Variants in KRT6C observed in about 807,000 individuals in gnomAD.
The protein encoded by KRT6C is keratin 6C.
A neutral mutation model predicts 49.4 loss-of-function variants in KRT6C; 46 were observed. The observed-to-expected ratio is 0.93, with a 90% CI of 0.74 to 1.19. The LOEUF (loss-of-function observed/expected upper bound fraction) is 1.19, where lower values mean the gene tolerates loss of function less well. Among genes scored for constraint, KRT6C ranks in the 50% most tolerant of loss-of-function variants. The pLI is 0.00. For missense variants in KRT6C, 552 were observed against 737.5 expected (o/e 0.75, Z 2.91); for synonymous variants, 236 against 297.1 (o/e 0.79, Z 2.12).
chr12:52,470,559 C>G lies in KRT6C; in HGVS notation c.1149G>C (p.Glu383Asp). 6.2e-7 allele frequency: 1 copy of G among 1,614,106 alleles called. No individual in the cohort carries two copies. The highest frequency in any genetic ancestry group is 2.2e-5 in the East Asian group (1 of 44,878). ...TCAGCCTCTGGATCATGCGGTTGAT[C>G]TCAGCAATCTCCTGCTTGGTGTTGC... Reference protein sequence around the residue: ...DLRNTKQEIAEINRMIQRLRS... With the variant: ...DLRNTKQEIADINRMIQRLRS... Residue 383 changes from glutamate to aspartate, a missense_variant, in exon 6 of 9, where the codon GAG (glutamate) becomes GAC (aspartate). Physicochemically the swap from Glu to Asp is conservative, Grantham distance 45. This residue lies in a region of KRT6C where 425 missense variants were observed against 439.4 expected (regional missense o/e 0.97). Transcript: ENST00000252250.
At chr12:52,470,188 G>C in intron 6 of KRT6C, 1 of 600,040 alleles carries the variant, frequency 1.7e-6, no homozygotes, top group Non-Finnish European at 2.9e-6. Flanking sequence ...ACTGAGTGCT[G>C]TTTTCAAAAC....
At chr12:52,470,077 C>T in intron 6 of KRT6C, 187 bp from the exon 7 acceptor site, 1 of 738,592 alleles carries the variant, frequency 1.4e-6, no homozygotes, top group South Asian at 1.7e-5. Context: ...GTCCTATGCC[C>T]CTTGTATTAA....
At position 52,470,075 on chromosome 12, in the gene KRT6C, C is replaced by T. The variant is rs1374810391; in HGVS notation, c.1204-185G>A. ...GGGAGTCAAGTGACAAAGTCCTATG[C>T]CCCTTGTATTAAGCACCCGCATGAG... On this transcript the variant is annotated intron_variant, in intron 6 of 8. Transcript: ENST00000252250. 9.4e-6 allele frequency: 7 copies of T among 744,328 alleles called. No homozygotes were observed. The East Asian group carries it at 1.6e-4, about 17-fold the overall frequency. 46.1% of individuals were successfully genotyped at this position (744,328 alleles called of 1,614,324 possible).
In KRT6C at chr12:52,473,547, A is replaced by T; in HGVS notation, c.191T>A (p.Leu64Gln). 1 of 1,581,918 alleles carries T rather than the reference A, an allele frequency of 6.3e-7. No homozygotes were observed. Among genetic ancestry groups the T allele is most frequent in the Non-Finnish European group, 8.6e-7 (1 of 1,160,186 alleles). ...AGFGSRSLYGLGGSKRISIGG... is the reference protein window; with the variant it reads ...AGFGSRSLYGQGGSKRISIGG... ...AATGGAGATCCTCTTGGAGCCCCCC[A>T]GGCCATACAGACTGCGGCTGCCAAA... The change falls in exon 1 of 9, where the codon CTG becomes CAG. Residue 64 changes from leucine to glutamine, a missense_variant. Physicochemically the swap from Leu to Gln is moderately radical, Grantham distance 113. Coordinates refer to ENST00000252250, the MANE Select transcript of KRT6C (RefSeq NM_173086.5).
intron 7 of KRT6C, 101 bp from the exon 8 acceptor site, chr12:52,469,546 C>G: frequency 6.2e-7 from 1 of 1,612,590 alleles, no homozygotes; most frequent in South Asian, 1.1e-5. Flanking sequence ...TGGGAAACTG[C>G]TCTTTTAGTT....
In KRT6C at chr12:52,472,457, C is replaced by T. The variant is rs574857586; in HGVS notation, c.541-177G>A. On this transcript the variant is annotated intron_variant, in intron 1 of 8. Coordinates refer to ENST00000252250, the MANE Select transcript of KRT6C (RefSeq NM_173086.5). ...CCCTTCTCCTTTGCACCCCACCAGT[C>T]TCACTAGAGAAATTGTCCCATGGAC... 5.7e-4 allele frequency among the ~76,000 whole-genome samples: 77 copies of T among 135,472 alleles called. 4 individuals are homozygous for T. The highest frequency in any genetic ancestry group is 1.8e-3 in the African/African-American group (74 of 40,850). 88.9% of individuals were successfully genotyped at this position (135,472 alleles called of 152,430 possible). A position where few individuals can be genotyped will look rare whatever the true frequency, so the allele number is the denominator to read the frequency against.
Position 52,468,708 on chromosome 12 carries a change from T to G in KRT6C, c.*354A>C. On this transcript the variant is annotated 3_prime_UTR_variant, in exon 9 of 9. Coordinates refer to ENST00000252250, the MANE Select transcript of KRT6C (RefSeq NM_173086.5). ...AAAATAAGTGGAAGTTGTTCTGAAA[T>G]AAGCCCCAGGCGATTTTCAGTAATG... 1 of 306,038 alleles carries G rather than the reference T, an allele frequency of 3.3e-6. No homozygotes were observed. Among genetic ancestry groups the G allele is most frequent in the South Asian group, 4.6e-5 (1 of 21,644 alleles). The allele number at this position is 306,038 out of a possible 1,614,324, so 19.0% of individuals were successfully genotyped here.
chr12:52,469,049 T>A lies in KRT6C; in HGVS notation c.*13A>T. ...GCCTGAGGACTGTGGGACCGAGAGC[T>A]GGAGGCAGCACTTTAGTGCTTGTAG... On this transcript the variant is annotated 3_prime_UTR_variant, in exon 9 of 9. Transcript: ENST00000252250. The A allele has an allele frequency of 6.2e-7, 1 of 1,614,028 alleles. No individual in the cohort carries two copies. The highest frequency in any genetic ancestry group is 8.5e-7 in the Non-Finnish European group (1 of 1,179,978).
chr12:52,470,413 C>A, intron 6 of KRT6C, 92 bp downstream of exon 6: 1 of 1,607,170 alleles, frequency 6.2e-7, no homozygotes, highest in Admixed American at 1.7e-5. Flanking sequence ...TGTTGGTTTA[C>A]GTTTCAGGAA....
In KRT6C at chr12:52,469,790, T is replaced by A; in HGVS notation, c.1304A>T (p.Gln435Leu). Residue 435 changes from glutamine (Q) to leucine (L), a missense_variant, in exon 7 of 9, where the codon CAG becomes CTG. Transcript: ENST00000252250. ...CCGGGCCAGGTCCTGCTTGGCCTTC[T>A]GCAGGGCATCCTCCAGCCCTTCCAG... ...NKLEGLEDAL[Q>L]KAKQDLARLL... 6.2e-7 allele frequency: 1 copy of A among 1,614,158 alleles called. No individual in the cohort carries two copies. The highest frequency in any genetic ancestry group is 2.2e-5 in the East Asian group (1 of 44,874).
rs564208078 is a variant in KRT6C at position 52,469,905 on chromosome 12, G to A, written c.1204-15C>T. 2 of 1,613,826 alleles carry A rather than the reference G, an allele frequency of 1.2e-6. No individual in the cohort carries two copies. Among genetic ancestry groups the A allele is most frequent in the African/African-American group, 2.7e-5 (2 of 74,914 alleles). ...AGGCTGGCACACTAGGAGGGGAAAG[G>A]AAGAGAAGGAACTTCTTGTCTGCTC... is the stretch of plus-strand genomic sequence containing the variant. On this transcript the variant is annotated splice_polypyrimidine_tract_variant and intron_variant, in intron 6 of 8. Coordinates refer to ENST00000252250, the MANE Select transcript of KRT6C (RefSeq NM_173086.5).
rs1937917972 is a variant in KRT6C at position 52,473,191 on chromosome 12, G to A, written c.540+7C>T. The A allele has an allele frequency of 1.3e-6, 2 of 1,493,138 alleles. No individual in the cohort carries two copies. Among genetic ancestry groups the A allele is most frequent in the Non-Finnish European group, 9.3e-7 (1 of 1,078,232 alleles). The allele number at this position is 1,493,138 out of a possible 1,614,324, so 92.5% of individuals were successfully genotyped here. A position where few individuals can be genotyped will look rare whatever the true frequency, so the allele number is the denominator to read the frequency against. On this transcript the variant is annotated splice_region_variant and intron_variant, in intron 1 of 8. Coordinates refer to ENST00000252250, the MANE Select transcript of KRT6C (RefSeq NM_173086.5). Reference sequence around the variant, plus strand: ...AGTGCCCGATGGAGGGCATGGCACTGGCTCACCTTGTCGATGAAGGAGGCA... The same window carrying A: ...AGTGCCCGATGGAGGGCATGGCACTAGCTCACCTTGTCGATGAAGGAGGCA...
chr12:52,470,359 G>A, intron 6 of KRT6C, 146 bp downstream of exon 6: 1 of 1,416,842 alleles, frequency 7.1e-7, no homozygotes, highest in Admixed American at 1.8e-5. Context: ...CTTCTCTATT[G>A]AGTTCTCACT....
chr12:52,470,776 G>A, intron 5 of KRT6C, 146 bp from the exon 6 acceptor site: 2 of 1,531,932 alleles, frequency 1.3e-6, no homozygotes, highest in Non-Finnish European at 1.8e-6. Flanking sequence ...TTATGTGGTG[G>A]GTGGATACTA....
In KRT6C at chr12:52,471,508, A is replaced by G. The variant is rs1363686448; in HGVS notation, c.825T>C (p.Asp275=). 2 of 1,613,528 alleles carry G rather than the reference A, an allele frequency of 1.2e-6. No homozygotes were observed. The highest frequency in any genetic ancestry group is 8.5e-7 in the Non-Finnish European group (1 of 1,179,784). ...NEFVTLKKDV[D]AAYMNKVELQ... Reference sequence around the variant, plus strand: ...GTTCAACCTTGTTCATGTAGGCAGCATCCACATCCTGGGGAAAGAGCCAAC... The same window carrying G: ...GTTCAACCTTGTTCATGTAGGCAGCGTCCACATCCTGGGGAAAGAGCCAAC... The change falls in exon 4 of 9, where the codon GAT becomes GAC. Residue 275 remains aspartate, a synonymous_variant. Transcript: ENST00000252250.
chr12:52,469,823 T>C lies in KRT6C; in HGVS notation c.1271A>G (p.Lys424Arg), dbSNP rs763929970. Residue 424 changes from lysine (K) to arginine (R), a missense_variant, in exon 7 of 9, where the codon AAG becomes AGG. By Grantham distance (26) the Lys-to-Arg change is conservative. This residue lies in a region of KRT6C where 425 missense variants were observed against 439.4 expected (regional missense o/e 0.97). Transcript: ENST00000252250. ...QRGEMALKDA[K>R]NKLEGLEDAL... The stretch of plus-strand genomic sequence containing the variant: ...ATCCTCCAGCCCTTCCAGCTTGTTC[T>C]TAGCATCCTTGAGTGCCATCTCCCC... 6.2e-7 allele frequency: 1 copy of C among 1,613,994 alleles called. No individual in the cohort carries two copies. The highest frequency in any genetic ancestry group is 8.5e-7 in the Non-Finnish European group (1 of 1,180,012).
In KRT6C at chr12:52,471,064, G is replaced by A; in HGVS notation, c.1077+68C>T. The A allele has an allele frequency of 6.2e-6, 10 of 1,613,386 alleles. 1 individual carries two copies. In the South Asian group the frequency reaches 9.9e-5, roughly 16 times the overall value. ...CCTGTCAGGGGATGTCCCCAGTGAA[G>A]TCTGCAGTCCTCTGGTATTCCAGGA... On this transcript the variant is annotated intron_variant, in intron 5 of 8. Coordinates refer to ENST00000252250, the MANE Select transcript of KRT6C (RefSeq NM_173086.5).
At position 52,473,087 on chromosome 12, in the gene KRT6C, G is replaced by C. The variant is rs1389744826; in HGVS notation, c.540+111C>G. The C allele has an allele frequency of 2.8e-5, 35 of 1,271,674 alleles. 3 individuals carry two copies. The highest frequency in any genetic ancestry group is 3.7e-5 in the Non-Finnish European group (33 of 893,338). The allele number at this position is 1,271,674 out of a possible 1,614,324, so 78.8% of individuals were successfully genotyped here. ...GAGAGCCACCTGCACTCTCTGCAGA[G>C]CTGGGCTGAATCCCCTTCTCCCTCC... is the stretch of plus-strand genomic sequence containing the variant. On this transcript the variant is annotated intron_variant, in intron 1 of 8. Coordinates refer to ENST00000252250, the MANE Select transcript of KRT6C (RefSeq NM_173086.5).
In KRT6C at chr12:52,471,230, T is replaced by C. The variant is rs1374996126; in HGVS notation, c.979A>G (p.Asn327Asp). The change falls in exon 5 of 9, where the codon AAC becomes GAC. Residue 327 changes from asparagine (N) to aspartate (D), a missense_variant. Coordinates refer to ENST00000252250, the MANE Select transcript of KRT6C (RefSeq NM_173086.5). ...SVVLSMDNNR[N>D]LDLDSIIAEV... is the part of the protein sequence containing the mutation. ...GCGATGATGCTGTCCAGGTCCAGGT[T>C]GCGGTTGTTGTCCATGGATAGCACC... 2 of 1,614,080 alleles carry C rather than the reference T, an allele frequency of 1.2e-6. No individual in the cohort carries two copies. The highest frequency in any genetic ancestry group is 1.3e-5 in the African/African-American group (1 of 74,932).
Sources: gnomAD v4.1 joint callset for allele counts (sites outside exome capture counted in the v4.1 genomes callset) on GRCh38, gnomAD v4.1.1 for gene constraint, gnomAD v4.1.1 regional missense constraint, MANE v1.5 for transcripts, NCBI Gene and HGNC (gene_info 2026-07-23, HGNC 2026-07-21) for gene names.